ZFPM2: variants seen among roughly 807,000 people sequenced by gnomAD.
The protein encoded by ZFPM2 is zinc finger protein ZFPM2.
ZFPM2 carries 20 observed loss-of-function variants against 98.6 expected under a neutral mutation model. The observed-to-expected ratio is 0.20, with a 90% CI of 0.14 to 0.29. The LOEUF (loss-of-function observed/expected upper bound fraction) is 0.29. Among genes scored for constraint, ZFPM2 ranks in the 10% least tolerant of loss-of-function variants. The probability of loss-of-function intolerance (pLI) is 1.00; values close to 1 mark genes in which losing one functional copy is unlikely to be tolerated. For missense variants in ZFPM2, 1,310 were observed against 1,388.6 expected (o/e 0.94, Z 0.90); for synonymous variants, 518 against 502.7 (o/e 1.03, Z -0.41).
At chr8:105,454,407 A>C (rs557363186) in intron 3 of ZFPM2, among the ~76,000 whole-genome samples, 30 of 152,288 alleles carry the variant, frequency 2.0e-4, no homozygotes, top group African/African-American at 5.8e-4. Flanking sequence ...TTACTGCTTT[A>C]TATCAGCAGG....
intron 1 of ZFPM2, among the ~76,000 whole-genome samples, chr8:105,334,301 A>T (rs907293224): frequency 6.6e-6 from 1 of 151,532 alleles, no homozygotes. Flanking sequence ...GGGCACAGAA[A>T]AATATTTTAT....
intron 1 of ZFPM2, among the ~76,000 whole-genome samples, chr8:105,375,138 T>G (rs562421674): frequency 1.1e-4 from 17 of 152,296 alleles, no homozygotes; most frequent in African/African-American, 4.1e-4. Context: ...TCCCAGTCCA[T>G]GGCAGCCTGG....
intron 4 of ZFPM2, among the ~76,000 whole-genome samples, chr8:105,621,664 A>G (rs1816549306): frequency 6.6e-6 from 1 of 152,172 alleles, no homozygotes; most frequent in Non-Finnish European, 1.5e-5. Flanking sequence ...ATTAATATTG[A>G]CAATCTATGT....
intron 1 of ZFPM2, among the ~76,000 whole-genome samples, chr8:105,378,973 T>C (rs1810785738): frequency 6.6e-6 from 1 of 152,138 alleles, no homozygotes; most frequent in South Asian, 2.1e-4. Flanking sequence ...GATGGTTAGA[T>C]AGGTAGGTAA....
At chr8:105,341,070 A>G (rs1315642296) in intron 1 of ZFPM2, among the ~76,000 whole-genome samples, 1 of 151,898 alleles carries the variant, frequency 6.6e-6, no homozygotes, top group Non-Finnish European at 1.5e-5. Flanking sequence ...CAGCTGAACC[A>G]TATTACCTTT....
chr8:105,578,047 T>C (rs888761201), intron 4 of ZFPM2, among the ~76,000 whole-genome samples: 2 of 152,148 alleles, frequency 1.3e-5, no homozygotes, highest in Non-Finnish European at 2.9e-5. Flanking sequence ...TTGGTAATAA[T>C]GTTATCATTA....
chr8:105,737,028 C>T (rs368108961), intron 5 of ZFPM2, among the ~76,000 whole-genome samples: 14 of 151,964 alleles, frequency 9.2e-5, no homozygotes, highest in South Asian at 4.2e-4. Flanking sequence ...AATGTGTGCA[C>T]GTGCACACAT....
intron 3 of ZFPM2, among the ~76,000 whole-genome samples, chr8:105,494,679 T>G (rs1434331559): frequency 2.0e-5 from 3 of 152,138 alleles, no homozygotes; most frequent in Non-Finnish European, 1.5e-5. Flanking sequence ...AGAAAATTCT[T>G]AGGTACCATC....
At chr8:105,652,976 A>C (rs1817210338) in intron 5 of ZFPM2, among the ~76,000 whole-genome samples, 1 of 152,112 alleles carries the variant, frequency 6.6e-6, no homozygotes, top group African/African-American at 2.4e-5. Flanking sequence ...GAAGTTTTTC[A>C]ATCAAATGTT....
intron 1 of ZFPM2, among the ~76,000 whole-genome samples, chr8:105,404,059 G>A (rs1811393809): frequency 6.6e-6 from 1 of 151,802 alleles, no homozygotes; most frequent in South Asian, 2.1e-4. Flanking sequence ...CATAGATTTG[G>A]CCCTAGGCGC....
intron 3 of ZFPM2, among the ~76,000 whole-genome samples, chr8:105,497,063 G>C (rs1264383577): frequency 1.3e-5 from 2 of 150,234 alleles, no homozygotes; most frequent in Non-Finnish European, 3.0e-5. Flanking sequence ...TGGGCTCACT[G>C]TGAGCTCCGC....
At chr8:105,420,029 GT>G (rs1236463683) in intron 2 of ZFPM2, among the ~76,000 whole-genome samples, 3 of 152,060 alleles carry the variant, frequency 2.0e-5, no homozygotes, top group Non-Finnish European at 4.4e-5. Context: ...TGTTTTGCAA[GT>G]CTTTTATCTC....
At chr8:105,535,728 C>T (rs2130607757) in intron 3 of ZFPM2, among the ~76,000 whole-genome samples, 1 of 152,264 alleles carries the variant, frequency 6.6e-6, no homozygotes, top group East Asian at 1.9e-4. Context: ...AGATGCTCAG[C>T]CCTGGAGGGA....
intron 1 of ZFPM2, among the ~76,000 whole-genome samples, chr8:105,337,537 G>C (rs1812351402): frequency 6.6e-6 from 1 of 151,676 alleles, no homozygotes; most frequent in Non-Finnish European, 1.5e-5. Context: ...ACTCAAGAAA[G>C]TGAGAGAAAG....
chr8:105,538,230 T>C (rs1814499485), intron 3 of ZFPM2, among the ~76,000 whole-genome samples: 1 of 152,174 alleles, frequency 6.6e-6, no homozygotes, highest in African/African-American at 2.4e-5. Flanking sequence ...CTTTGCTTCT[T>C]AATATATAAA....
At chr8:105,411,707 G>A (rs1811581286) in intron 1 of ZFPM2, among the ~76,000 whole-genome samples, 1 of 151,556 alleles carries the variant, frequency 6.6e-6, no homozygotes, top group Non-Finnish European at 1.5e-5. Context: ...TAACTTTATA[G>A]GACTCTGGAC....
intron 5 of ZFPM2, among the ~76,000 whole-genome samples, chr8:105,701,296 T>A (rs1483059029): frequency 1.3e-5 from 2 of 152,208 alleles, no homozygotes; most frequent in Non-Finnish European, 2.9e-5. Context: ...TCTGTTGATA[T>A]TTCTTTGACT....
At chr8:105,746,471 G>A (rs1456786258) in intron 5 of ZFPM2, among the ~76,000 whole-genome samples, 3 of 151,920 alleles carry the variant, frequency 2.0e-5, no homozygotes, top group Non-Finnish European at 4.4e-5. Flanking sequence ...CACAGCAATA[G>A]CAAATGCTCA....
chr8:105,508,436 G>A (rs1563691133), intron 3 of ZFPM2, among the ~76,000 whole-genome samples: 2 of 152,002 alleles, frequency 1.3e-5, no homozygotes, highest in African/African-American at 2.4e-5. Context: ...TTTTTTAGGG[G>A]CATGGGCTGG....
Sources: gnomAD v4.1 joint callset for allele counts (sites outside exome capture counted in the v4.1 genomes callset) on GRCh38, gnomAD v4.1.1 for gene constraint, MANE v1.5 for transcripts, NCBI Gene and HGNC (gene_info 2026-07-23, HGNC 2026-07-21) for gene names.